Variants in PDE4D observed in about 807,000 individuals in gnomAD.
The protein encoded by PDE4D is phosphodiesterase 4D.
A neutral mutation model predicts 87.4 loss-of-function variants in PDE4D; 24 were observed. The observed-to-expected ratio is 0.27, with a 90% CI of 0.20 to 0.39. The LOEUF (loss-of-function observed/expected upper bound fraction) is 0.39. Ranked by LOEUF, PDE4D falls within the 10% of genes least tolerant of loss-of-function variation. PDE4D has a pLI of 1.00. For synonymous variants in PDE4D, 384 were observed against 383.2 expected (o/e 1.00, Z -0.02); for missense variants, 714 against 1,041.0 (o/e 0.69, Z 4.32).
intron 1 of PDE4D, chr5:60,521,250 A>G (rs1189125590): frequency 1.3e-5 from 2 of 151,994 alleles, no homozygotes; most frequent in Admixed American, 6.6e-5. Flanking sequence ...ATAGTAAATG[A>G]CTCCCCAGGA....
chr5:59,593,312 T>G (rs1248456882), intron 1 of PDE4D, among the ~76,000 whole-genome samples: 3 of 148,432 alleles, frequency 2.0e-5, no homozygotes, highest in Non-Finnish European at 4.4e-5. Context: ...GCACCTGTAA[T>G]GGCTCTCAAA....
intron 1 of PDE4D, among the ~76,000 whole-genome samples, chr5:59,599,798 C>T (rs566725240): frequency 6.6e-6 from 1 of 152,290 alleles, no homozygotes; most frequent in African/African-American, 2.4e-5. Context: ...CCTTCCTTGG[C>T]TATCCAGGCT....
chr5:58,973,863 A>C lies in PDE4D; in HGVS notation c.*801T>G, dbSNP rs1554032446. 1.3e-5 allele frequency: 2 copies of C among 152,642 alleles called. No homozygotes were observed. Among genetic ancestry groups the C allele is most frequent in the Non-Finnish European group, 1.5e-5 (1 of 68,030 alleles). The allele number at this position is 152,642 out of a possible 1,614,324, so 9.5% of individuals were successfully genotyped here. On this transcript the variant is annotated 3_prime_UTR_variant, in exon 15 of 15. Coordinates refer to ENST00000340635, the MANE Select transcript of PDE4D (RefSeq NM_001104631.2). ...TAAAATATGGAAGTCATTGGTATAT[A>C]AAACAAACAATGAATCACTACAAAT...
chr5:59,799,113 G>A (rs1766832029), intron 1 of PDE4D, among the ~76,000 whole-genome samples: 1 of 152,154 alleles, frequency 6.6e-6, no homozygotes, highest in African/African-American at 2.4e-5. Context: ...AGTTTAATAT[G>A]ATAGCAACCA....
chr5:60,269,868 A>C (rs929317661), intron 1 of PDE4D, among the ~76,000 whole-genome samples: 2 of 152,234 alleles, frequency 1.3e-5, no homozygotes, highest in African/African-American at 4.8e-5. Context: ...GGAAGCAGAA[A>C]CAAAAAGAGC....
At chr5:60,328,102 A>G (rs1756966792) in intron 1 of PDE4D, among the ~76,000 whole-genome samples, 1 of 152,204 alleles carries the variant, frequency 6.6e-6, no homozygotes, top group African/African-American at 2.4e-5. Flanking sequence ...ATTAGAATTC[A>G]GAGTCCTGGT....
intron 6 of PDE4D, among the ~76,000 whole-genome samples, chr5:58,998,406 T>C (rs1749711079): frequency 6.6e-6 from 1 of 152,118 alleles, no homozygotes; most frequent in Admixed American, 6.6e-5. Context: ...GCTTCTTATA[T>C]TTACTCTCTA....
intron 5 of PDE4D, among the ~76,000 whole-genome samples, chr5:59,046,419 A>ACTGT (rs751262478): frequency 7.7e-6 from 1 of 129,710 alleles, no homozygotes; most frequent in South Asian, 2.5e-4. Context: ...AGAGAGAGAG[A>ACTGT]ATGTGTGTGT....
chr5:59,014,788 GAACCAAAA>G (rs1753624464), intron 6 of PDE4D, among the ~76,000 whole-genome samples: 1 of 152,076 alleles, frequency 6.6e-6, no homozygotes, highest in African/African-American at 2.4e-5. Context: ...AGTTCATATG[GAACCAAAA>G]AAGAGCCCGC....
chr5:60,106,893 A>G (rs886999036), intron 2 of PDE4D, among the ~76,000 whole-genome samples: 21 of 151,676 alleles, frequency 1.4e-4, no homozygotes, highest in Non-Finnish European at 2.1e-4. Context: ...CTAAATGCCC[A>G]CAAGAGAAAG....
intron 5 of PDE4D, among the ~76,000 whole-genome samples, chr5:59,067,850 C>T (rs1451760518): frequency 6.6e-6 from 1 of 152,088 alleles, no homozygotes; most frequent in Non-Finnish European, 1.5e-5. Flanking sequence ...AGGACATGGA[C>T]TTTTCTTTAT....
At position 59,917,197 on chromosome 5, in the gene PDE4D, G is replaced by A. The variant is rs569936426; in HGVS notation, c.272+71291C>T. ...GATTGAATTCTACTTTGACATCTAC[G>A]ACTGGCTAGCAAATTTATGTAGAGC... On this transcript the variant is annotated intron_variant, in intron 3 of 16. Transcript: ENST00000502484. Among the ~76,000 whole-genome samples, 12 of 152,044 alleles carry A rather than the reference G, an allele frequency of 7.9e-5. No individual in the cohort carries two copies. The South Asian group carries it at 2.3e-3, about 29-fold the overall frequency.
intron 1 of PDE4D, among the ~76,000 whole-genome samples, chr5:59,758,580 G>A (rs772567885): frequency 6.6e-6 from 1 of 152,236 alleles, no homozygotes; most frequent in Admixed American, 6.5e-5. Context: ...TAAAATTGAA[G>A]TCTAGTAAAA....
At chr5:59,983,799 T>C (rs1255704928) in intron 3 of PDE4D, among the ~76,000 whole-genome samples, 1 of 152,130 alleles carries the variant, frequency 6.6e-6, no homozygotes, top group African/African-American at 2.4e-5. Flanking sequence ...TGTTGGGCAG[T>C]AATGAAAATA....
chr5:60,351,506 A>C (rs928737044), intron 1 of PDE4D, among the ~76,000 whole-genome samples: 2 of 152,118 alleles, frequency 1.3e-5, no homozygotes, highest in Admixed American at 1.3e-4. Context: ...GTTCTTTAGC[A>C]GCTATCTTGG....
chr5:60,243,504 A>T (rs66940012), intron 1 of PDE4D, among the ~76,000 whole-genome samples: 22,808 of 151,968 alleles, frequency 0.15, 1,864 homozygotes, highest in Admixed American at 0.16. Flanking sequence ...ACAAAGACAC[A>T]TCAAGAAAAG....
chr5:59,612,083 T>C (rs544262306), intron 1 of PDE4D, among the ~76,000 whole-genome samples: 2 of 152,318 alleles, frequency 1.3e-5, no homozygotes, highest in East Asian at 3.9e-4. Flanking sequence ...AGTTTTTCTT[T>C]AGAACTGCAA....
chr5:59,789,199 G>A (rs953152613), intron 1 of PDE4D, among the ~76,000 whole-genome samples: 1 of 152,182 alleles, frequency 6.6e-6, no homozygotes, highest in African/African-American at 2.4e-5. Flanking sequence ...TGTTTCAAGT[G>A]GTGAAGACCA....
At chr5:59,207,147 G>A (rs1748975624) in intron 2 of PDE4D, among the ~76,000 whole-genome samples, 2 of 152,076 alleles carry the variant, frequency 1.3e-5, no homozygotes, top group South Asian at 4.2e-4. Context: ...TTACACTGCT[G>A]CACTCCAGCC....
Sources: gnomAD v4.1 joint callset for allele counts (sites outside exome capture counted in the v4.1 genomes callset) on GRCh38, gnomAD v4.1.1 for gene constraint, MANE v1.5 for transcripts, NCBI Gene and HGNC (gene_info 2026-07-23, HGNC 2026-07-21) for gene names.